Variants in RIBC2 observed in about 807,000 individuals in gnomAD.
RIBC2 encodes the protein RIB43A domain with coiled-coils 2.
In RIBC2, 40 loss-of-function variants were observed where a neutral mutation model predicts 44.3. The observed-to-expected ratio is 0.90, with a 90% CI of 0.70 to 1.18. The LOEUF is 1.18. Among genes scored for constraint, RIBC2 ranks in the 50% most tolerant of loss-of-function variants. The probability of loss-of-function intolerance (pLI) is 0.00; values close to 1 mark genes in which losing one functional copy is unlikely to be tolerated. For synonymous variants in RIBC2, 171 were observed against 175.0 expected, an observed-to-expected ratio of 0.98 and a Z score of 0.18; for missense variants, 459 against 485.5, an observed-to-expected ratio of 0.95 and a Z score of 0.51.
chr22:45,422,305 A>C lies in RIBC2; in HGVS notation c.572A>C (p.Glu191Ala), dbSNP rs760674493. 1 of 1,614,154 alleles carries C rather than the reference A, an allele frequency of 6.2e-7. No homozygotes were observed. The highest frequency in any genetic ancestry group is 8.5e-7 in the Non-Finnish European group (1 of 1,179,964). Residue 191 changes from glutamate (E) to alanine (A), a missense_variant, in exon 4 of 7, where the codon GAG becomes GCG. Transcript: ENST00000614167. ...CTCCTTTCAGAGGCCCTCTACACAGAGACAAGGCTGCAGTTTGACGAGACA... is the reference window on the plus strand; with the variant it reads ...CTCCTTTCAGAGGCCCTCTACACAGCGACAAGGCTGCAGTTTGACGAGACA... ...EQKCAEALYT[E>A]TRLQFDETAK... is the part of the protein sequence containing the mutation.
chr22:45,426,497 T>C (rs1042910649), intron 5 of RIBC2, among the ~76,000 whole-genome samples: 13 of 152,242 alleles, frequency 8.5e-5, no homozygotes, highest in Admixed American at 8.5e-4. Flanking sequence ...GGCAAAGGCC[T>C]TGAGGCAGGA....
intron 3 of RIBC2, among the ~76,000 whole-genome samples, chr22:45,420,669 A>G (rs1432308552): frequency 6.6e-6 from 1 of 152,172 alleles, no homozygotes; most frequent in Non-Finnish European, 1.5e-5. Context: ...CCAGAAGTCT[A>G]GGGAATCATC....
At chr22:45,414,199 G>A (rs940128599) in intron 1 of RIBC2, 123 bp from the exon 2 acceptor site, 6 of 1,481,136 alleles carry the variant, frequency 4.1e-6, no homozygotes, top group Non-Finnish European at 5.4e-6. Context: ...CTCCTCCCCT[G>A]AGCCAGATTT....
At chr22:45,418,750 C>T (rs1350976542) in intron 3 of RIBC2, among the ~76,000 whole-genome samples, 2 of 152,022 alleles carry the variant, frequency 1.3e-5, no homozygotes, top group Admixed American at 6.5e-5. Context: ...TCTCCTTGCT[C>T]GGCCCATCCT....
Position 45,432,398 on chromosome 22 carries a change from A to G in RIBC2, c.*36A>G. ...ACCCTTGTTCCCGTCATTCACGTAT[A>G]AAGAGTGGCTACCTTAAAGAGTCAC... On this transcript the variant is annotated 3_prime_UTR_variant, in exon 7 of 7. Transcript: ENST00000614167. 7.3e-7 allele frequency: 1 copy of G among 1,361,406 alleles called. No individual in the cohort carries two copies. Among genetic ancestry groups the G allele is most frequent in the South Asian group, 1.2e-5 (1 of 81,000 alleles). 84.3% of individuals were successfully genotyped at this position (1,361,406 alleles called of 1,614,324 possible). A position where few individuals can be genotyped will look rare whatever the true frequency, so the allele number is the denominator to read the frequency against.
chr22:45,429,222 C>A (rs1393462002), intron 5 of RIBC2, among the ~76,000 whole-genome samples: 1 of 152,116 alleles, frequency 6.6e-6, no homozygotes, highest in Non-Finnish European at 1.5e-5. Context: ...TTTCGAAAGC[C>A]CCCAGGGGAT....
At chr22:45,415,486 T>C (rs2087415294) in intron 2 of RIBC2, among the ~76,000 whole-genome samples, 1 of 152,012 alleles carries the variant, frequency 6.6e-6, no homozygotes, top group Non-Finnish European at 1.5e-5. Flanking sequence ...AATTCAATCT[T>C]ACAAAAACAA....
chr22:45,418,472 A>G (rs1298321495), intron 3 of RIBC2, among the ~76,000 whole-genome samples: 1 of 152,166 alleles, frequency 6.6e-6, no homozygotes, highest in Non-Finnish European at 1.5e-5. Flanking sequence ...AGGGAACTGC[A>G]GAAAGCCCCA....
In RIBC2 at chr22:45,430,880, G is replaced by A. The variant is rs145542726; in HGVS notation, c.904-20G>A. ...TGGCTCTGGGGAAAGGTGGTGGTGAGCCGCCTCTTTTCCTTCCAGAGGCTC... is the reference window on the plus strand; with the variant it reads ...TGGCTCTGGGGAAAGGTGGTGGTGAACCGCCTCTTTTCCTTCCAGAGGCTC... On this transcript the variant is annotated intron_variant, in intron 5 of 6. Transcript: ENST00000614167. 566 of 1,544,038 alleles carry A rather than the reference G, an allele frequency of 3.7e-4. 3 individuals are homozygous for A. The African/African-American group carries it at 7.0e-3, about 19-fold the overall frequency.
At chr22:45,429,666 T>A (rs2087562248) in intron 5 of RIBC2, among the ~76,000 whole-genome samples, 1 of 151,712 alleles carries the variant, frequency 6.6e-6, no homozygotes, top group Non-Finnish European at 1.5e-5. Flanking sequence ...TAGTCCAAGG[T>A]GGAAAGGGCG....
rs759689340 is a variant in RIBC2 at position 45,425,993 on chromosome 22, CAA to C, written c.722_723del (p.Gln241ArgfsTer35). On this transcript the variant is annotated frameshift_variant, in exon 5 of 7. Coordinates refer to ENST00000614167, the MANE Select transcript of RIBC2 (RefSeq NM_015653.5). LOFTEE classifies it high-confidence loss of function. ...ERKKQEKKQE[Q>X]EDNLAEITNL... is the part of the protein sequence containing the mutation. ...GAAAAAGCAAGAGAAAAAGCAAGAACAAGAGGACAACTTGGCCGAGATCACCA... is the reference window on the plus strand; with the variant it reads ...GAAAAAGCAAGAGAAAAAGCAAGAACGAGGACAACTTGGCCGAGATCACCA... The C allele has an allele frequency of 2.5e-6, 4 of 1,613,962 alleles. No individual in the cohort carries two copies. In the African/African-American group the frequency reaches 4.0e-5, roughly 16 times the overall value.
rs567540003 is a variant in RIBC2 at position 45,418,075 on chromosome 22, A to G, written c.556+129A>G. 42 of 688,244 alleles carry G rather than the reference A, an allele frequency of 6.1e-5. No homozygotes were observed. In the African/African-American group the frequency reaches 8.4e-4, roughly 14 times the overall value. 42.6% of individuals were successfully genotyped at this position (688,244 alleles called of 1,614,324 possible). ...TAAGCAACCCTACAGTTTTTGTGGG[A>G]TTTGTTTAAAGTCCTACCAATGTGC... On this transcript the variant is annotated intron_variant, in intron 3 of 6. Transcript: ENST00000614167.
intron 5 of RIBC2, among the ~76,000 whole-genome samples, chr22:45,429,407 G>C (rs974959178): frequency 4.9e-4 from 75 of 152,298 alleles, no homozygotes; most frequent in African/African-American, 1.8e-3. Context: ...GAGATCTGGA[G>C]AGGGTCTCAA....
At chr22:45,417,504 C>T (rs907270367) in intron 2 of RIBC2, 98 bp from the exon 3 acceptor site, 3 of 920,048 alleles carry the variant, frequency 3.3e-6, no homozygotes, top group African/African-American at 1.7e-5. Context: ...CATAATGAGG[C>T]CCTATCTCTA....
At chr22:45,417,188 A>G (rs2087433418) in intron 2 of RIBC2, among the ~76,000 whole-genome samples, 1 of 152,134 alleles carries the variant, frequency 6.6e-6, no homozygotes, top group South Asian at 2.1e-4. Flanking sequence ...GGTGTGAGCC[A>G]CCACACCCAG....
chr22:45,418,105 A>G, intron 3 of RIBC2, 159 bp downstream of exon 3: 1 of 567,596 alleles, frequency 1.8e-6, no homozygotes, highest in South Asian at 3.0e-5. Context: ...ATGTGCACAG[A>G]CAGCCACATG....
intron 3 of RIBC2, among the ~76,000 whole-genome samples, chr22:45,419,082 C>T (rs1204394725): frequency 1.3e-5 from 2 of 152,218 alleles, no homozygotes; most frequent in African/African-American, 4.8e-5. Flanking sequence ...ATGTTGTTCA[C>T]ACCAGTGCTC....
intron 3 of RIBC2, among the ~76,000 whole-genome samples, chr22:45,418,645 G>A (rs1314596381): frequency 6.6e-6 from 1 of 152,184 alleles, no homozygotes; most frequent in Non-Finnish European, 1.5e-5. Flanking sequence ...TGATGGAATA[G>A]TGAGGAGCTA....
In RIBC2 at chr22:45,422,385, G is replaced by A. The variant is rs1336134911; in HGVS notation, c.652G>A (p.Val218Met). 6.2e-7 allele frequency: 1 copy of A among 1,614,040 alleles called. No individual in the cohort carries two copies. The highest frequency in any genetic ancestry group is 1.7e-5 in the Admixed American group (1 of 60,010). The change falls in exon 4 of 7, where the codon GTG becomes ATG. Residue 218 changes from valine (V) to methionine (M), a missense_variant. Coordinates refer to ENST00000614167, the MANE Select transcript of RIBC2 (RefSeq NM_015653.5). ...CACCAGAAAGGCAGTTTGTGCATCTGTGAAAGACTTCAACAAGAGCCAGGT... is the reference window on the plus strand; with the variant it reads ...CACCAGAAAGGCAGTTTGTGCATCTATGAAAGACTTCAACAAGAGCCAGGT... ...STTRKAVCAS[V>M]KDFNKSQAIE...
Sources: allele counts gnomAD v4.1 joint callset (sites outside exome capture counted in the v4.1 genomes callset), GRCh38; gene constraint gnomAD v4.1.1; transcripts MANE v1.5; gene names NCBI Gene and HGNC (gene_info 2026-07-23, HGNC 2026-07-21).